SASH1: variants seen among roughly 807,000 people sequenced by gnomAD.
The protein encoded by SASH1 is SAM and SH3 domain-containing protein 1.
A neutral mutation model predicts 125.2 loss-of-function variants in SASH1; 44 were observed. The observed-to-expected ratio is 0.35, with a 90% confidence interval of 0.28 to 0.45. The LOEUF is 0.45. Ranked by LOEUF, SASH1 falls within the 20% of genes least tolerant of loss-of-function variation. The pLI is 1.00. For synonymous variants in SASH1, 639 were observed against 649.1 expected, an observed-to-expected ratio of 0.98 and a Z score of 0.24; for missense variants, 1,426 against 1,614.5, an observed-to-expected ratio of 0.88 and a Z score of 2.00.
intron 1 of SASH1, among the ~76,000 whole-genome samples, chr6:148,375,380 T>G (rs1043383109): frequency 6.6e-6 from 1 of 150,822 alleles, no homozygotes; most frequent in Non-Finnish European, 1.5e-5. Flanking sequence ...TCTCACATAG[T>G]TAACTTTTTT....
At chr6:148,220,084 A>G in the SASH1 span, among the ~76,000 whole-genome samples, 2 of 152,078 alleles carry the variant, frequency 1.3e-5, no homozygotes, top group Non-Finnish European at 2.9e-5. Context: ...AGTCAAATCT[A>G]TTTTTCTTAG....
intron 4 of SASH1, among the ~76,000 whole-genome samples, chr6:148,467,326 A>G (rs1177460007): frequency 1.3e-5 from 2 of 151,770 alleles, no homozygotes; most frequent in Non-Finnish European, 2.9e-5. Flanking sequence ...CAAACTCCTG[A>G]CCTCAAGTGA....
At chr6:148,350,261 T>G (rs1781681686) in intron 1 of SASH1, among the ~76,000 whole-genome samples, 1 of 152,284 alleles carries the variant, frequency 6.6e-6, no homozygotes, top group South Asian at 2.1e-4. Context: ...TAGACCAGCC[T>G]GGGTAACATA....
chr6:148,424,046 A>G (rs529529601), intron 2 of SASH1, among the ~76,000 whole-genome samples: 113 of 151,354 alleles, frequency 7.5e-4, no homozygotes, highest in Middle Eastern at 3.4e-3. Flanking sequence ...GACAGCAGAC[A>G]GTCCTGCAGT....
At chr6:148,311,453 A>G (rs1780327664) in intron 1 of SASH1, among the ~76,000 whole-genome samples, 1 of 152,156 alleles carries the variant, frequency 6.6e-6, no homozygotes, top group Non-Finnish European at 1.5e-5. Flanking sequence ...AACTTTCCCT[A>G]TAACCCACCA....
At chr6:148,346,244 G>T (rs1225735464) in intron 1 of SASH1, among the ~76,000 whole-genome samples, 1 of 152,158 alleles carries the variant, frequency 6.6e-6, no homozygotes, top group Non-Finnish European at 1.5e-5. Flanking sequence ...CAGAGTCATG[G>T]ATCTCAGTAA....
chr6:148,240,109 A>T, the SASH1 span: 1 of 152,168 alleles, frequency 6.6e-6, no homozygotes, highest in African/African-American at 2.4e-5. Flanking sequence ...CAAAGATTCT[A>T]AACAAAACAA....
At chr6:148,530,427 G>A (rs1038146381) in intron 12 of SASH1, among the ~76,000 whole-genome samples, 1 of 151,948 alleles carries the variant, frequency 6.6e-6, no homozygotes, top group African/African-American at 2.4e-5. Context: ...ATACTTTGGA[G>A]CTTCAGTAAC....
chr6:148,329,178 T>C (rs1468289107), intron 1 of SASH1, among the ~76,000 whole-genome samples: 1 of 152,222 alleles, frequency 6.6e-6, no homozygotes, highest in Non-Finnish European at 1.5e-5. Flanking sequence ...TCATCTGATT[T>C]TTGAGAACAT....
At chr6:148,239,549 G>C in the SASH1 span, among the ~76,000 whole-genome samples, 1 of 152,296 alleles carries the variant, frequency 6.6e-6, no homozygotes, top group African/African-American at 2.4e-5. Flanking sequence ...GCAGGCACCA[G>C]ACATGTTGAA....
At chr6:148,299,011 T>A (rs1183379802) in intron 1 of SASH1, among the ~76,000 whole-genome samples, 2 of 152,182 alleles carry the variant, frequency 1.3e-5, no homozygotes, top group African/African-American at 4.8e-5. Flanking sequence ...ATTAAGTAAT[T>A]CACAAATAAA....
chr6:148,478,012 C>T (rs1369876941), intron 7 of SASH1, among the ~76,000 whole-genome samples: 2 of 152,016 alleles, frequency 1.3e-5, no homozygotes, highest in East Asian at 1.9e-4. Flanking sequence ...TGGCTTTTAT[C>T]CAAAAGACAG....
intron 2 of SASH1, among the ~76,000 whole-genome samples, chr6:148,403,204 C>T (rs576003845): frequency 1.3e-4 from 19 of 151,672 alleles, no homozygotes; most frequent in African/African-American, 4.6e-4. Flanking sequence ...TAGTTTATGT[C>T]CTTGGGTAAT....
chr6:148,524,117 A>AT lies in SASH1; in HGVS notation c.1210-1173dup, dbSNP rs200904196. ...GTTAATTATATATATATATATATAT[A>AT]TATATTTTTTTTAATGAATAAGCAA... is the stretch of plus-strand genomic sequence containing the variant. On this transcript the variant is annotated intron_variant, in intron 10 of 19. Coordinates refer to ENST00000367467, the MANE Select transcript of SASH1 (RefSeq NM_015278.5). Among the ~76,000 whole-genome samples, 913 of 95,256 alleles carry AT rather than the reference A, an allele frequency of 9.6e-3. 13 individuals carry two copies. Among genetic ancestry groups the AT allele is most frequent in the African/African-American group, 0.037 (847 of 22,822 alleles). 62.5% of individuals were successfully genotyped at this position (95,256 alleles called of 152,430 possible). A position where few individuals can be genotyped will look rare whatever the true frequency, so the allele number is the denominator to read the frequency against.
chr6:148,268,345 A>G (rs1188769641), upstream of SASH1, among the ~76,000 whole-genome samples: 4 of 152,248 alleles, frequency 2.6e-5, no homozygotes, highest in Non-Finnish European at 5.9e-5. Flanking sequence ...GAAATATTGC[A>G]CAGTTCTATA....
At position 148,544,518 on chromosome 6, in the gene SASH1, G is replaced by A. The variant is rs752540259; in HGVS notation, c.3048G>A (p.Ala1016=). 5.6e-6 allele frequency: 9 copies of A among 1,612,756 alleles called. No individual in the cohort carries two copies. The highest frequency in any genetic ancestry group is 1.6e-4 in the Middle Eastern group (1 of 6,084). Residue 1016 remains alanine (A), a synonymous_variant, in exon 18 of 20, where the codon GCG becomes GCA. Transcript: ENST00000367467. This position sits in a 1 kb window ranked among gnomAD's most constrained non-coding sequence, Gnocchi z 6.4. The part of the protein sequence containing the change: ...GPSGALPSPD[A]PCLPVKRGSP... ...GTGGGGCCCTCCCCAGTCCCGATGC[G>A]CCATGCCTGCCAGTGAAAAGGGGCA...
the SASH1 span, among the ~76,000 whole-genome samples, chr6:148,262,997 G>T: frequency 6.6e-6 from 1 of 152,174 alleles, no homozygotes; most frequent in Non-Finnish European, 1.5e-5. Context: ...CATAATGTTA[G>T]CACTGGAACC....
intron 4 of SASH1, among the ~76,000 whole-genome samples, chr6:148,465,900 C>A (rs189196344): frequency 6.6e-6 from 1 of 152,292 alleles, no homozygotes; most frequent in African/African-American, 2.4e-5. Context: ...TTCTTCTCCT[C>A]CCCTTCCCCC....
chr6:148,455,333 TC>T (rs1777281889), intron 4 of SASH1, among the ~76,000 whole-genome samples: 1 of 152,164 alleles, frequency 6.6e-6, no homozygotes, highest in African/African-American at 2.4e-5. Context: ...AGCTTTAAGC[TC>T]TTGGCTTCTA....
Sources: allele counts gnomAD v4.1 joint callset (sites outside exome capture counted in the v4.1 genomes callset), GRCh38; gene constraint gnomAD v4.1.1; non-coding constraint Gnocchi (gnomAD v3.1); transcripts MANE v1.5; gene names NCBI Gene and HGNC (gene_info 2026-07-23, HGNC 2026-07-21).